The following EPHA3 variants were observed in gnomAD, a reference collection of about 807,000 sequenced individuals.
EPHA3 encodes the protein ephrin type-A receptor 3.
A neutral mutation model predicts 107.1 loss-of-function variants in EPHA3; 42 were observed. The ratio of observed to expected loss-of-function variants is 0.39; its 90% CI spans 0.31 to 0.51. EPHA3 has a LOEUF of 0.51. Among genes scored for constraint, EPHA3 ranks in the 20% least tolerant of loss-of-function variants. EPHA3 has a pLI of 0.78. For synonymous variants in EPHA3, 461 were observed against 424.8 expected, an observed-to-expected ratio of 1.09 and a Z score of -1.05; for missense variants, 1,183 against 1,211.2, an observed-to-expected ratio of 0.98 and a Z score of 0.35.
intron 2 of EPHA3, among the ~76,000 whole-genome samples, chr3:89,164,643 T>C (rs1705023503): frequency 6.6e-6 from 1 of 152,198 alleles, no homozygotes; most frequent in Non-Finnish European, 1.5e-5. Context: ...GATGCCTTCA[T>C]GATCCTTTTC....
At chr3:89,236,039 A>G (rs1255845094) in intron 3 of EPHA3, among the ~76,000 whole-genome samples, 1 of 152,094 alleles carries the variant, frequency 6.6e-6, no homozygotes, top group Non-Finnish European at 1.5e-5. Context: ...ATGAATTACA[A>G]TTTTAAACTG....
At chr3:89,271,170 A>G (rs1282215841) in intron 3 of EPHA3, among the ~76,000 whole-genome samples, 2 of 152,002 alleles carry the variant, frequency 1.3e-5, no homozygotes, top group African/African-American at 2.4e-5. Flanking sequence ...ATTCTTCAGG[A>G]AATGTTAGGT....
At chr3:89,162,664 G>A (rs1225363717) in intron 2 of EPHA3, among the ~76,000 whole-genome samples, 3 of 152,200 alleles carry the variant, frequency 2.0e-5, no homozygotes, top group Admixed American at 6.5e-5. Context: ...AAGCAGGAAT[G>A]GACAGAAGGT....
rs775889890 is a variant in EPHA3, at chr3:89,107,755, T to G, written c.7T>G (p.Cys3Gly). Reference protein sequence around the residue: MDCQLSILLLLSC... With the variant: MDGQLSILLLLSC... Reference sequence around the variant, plus strand: ...TGCCCTCTGCACCAGCAACATGGATTGTCAGCTCTCCATCCTCCTCCTTCT... The same window carrying G: ...TGCCCTCTGCACCAGCAACATGGATGGTCAGCTCTCCATCCTCCTCCTTCT... The change falls in exon 1 of 17, where the codon TGT becomes GGT. Residue 3 changes from cysteine (C) to glycine (G), a missense_variant. Coordinates refer to ENST00000336596, the MANE Select transcript of EPHA3 (RefSeq NM_005233.6). The G allele has an allele frequency of 6.2e-7, 1 of 1,614,068 alleles. No homozygotes were observed. The highest frequency in any genetic ancestry group is 1.3e-5 in the African/African-American group (1 of 75,068).
At chr3:89,333,428 G>A (rs531551983) in intron 3 of EPHA3, among the ~76,000 whole-genome samples, 1 of 152,190 alleles carries the variant, frequency 6.6e-6, no homozygotes, top group South Asian at 2.1e-4. Flanking sequence ...ATTTTGCAAA[G>A]GCCTTATCTA....
intron 3 of EPHA3, among the ~76,000 whole-genome samples, chr3:89,289,182 T>C (rs575570573): frequency 3.1e-4 from 47 of 152,100 alleles, no homozygotes; most frequent in Non-Finnish European, 6.2e-4. Context: ...CTATCTACCA[T>C]TGGTGATAAC....
At chr3:89,222,293 A>G (rs1384598463) in intron 3 of EPHA3, among the ~76,000 whole-genome samples, 1 of 149,414 alleles carries the variant, frequency 6.7e-6, no homozygotes, top group Non-Finnish European at 1.5e-5. Context: ...TGTTACAGAC[A>G]TTGGGTTTTT....
chr3:89,153,365 G>A (rs1225836282), intron 2 of EPHA3, among the ~76,000 whole-genome samples: 2 of 151,988 alleles, frequency 1.3e-5, no homozygotes, highest in Non-Finnish European at 2.9e-5. Context: ...GCAAAATGTA[G>A]ATTCATATAT....
At chr3:89,149,368 C>T (rs1361479965) in intron 2 of EPHA3, among the ~76,000 whole-genome samples, 1 of 151,888 alleles carries the variant, frequency 6.6e-6, no homozygotes, top group Admixed American at 6.6e-5. Flanking sequence ...AAATAGAAAA[C>T]CATTGAAATA....
At chr3:89,404,713 A>G (rs972374989) in intron 7 of EPHA3, among the ~76,000 whole-genome samples, 2 of 152,194 alleles carry the variant, frequency 1.3e-5, no homozygotes, top group African/African-American at 4.8e-5. Flanking sequence ...TAGAGACAGA[A>G]AAAACTGTGG....
chr3:89,338,051 C>T, intron 3 of EPHA3, among the ~76,000 whole-genome samples: 1 of 152,210 alleles, frequency 6.6e-6, no homozygotes, highest in East Asian at 1.9e-4. Context: ...TGTTAGAAAA[C>T]AAAAAGGTAT....
chr3:89,360,074 G>A (rs892126969), intron 5 of EPHA3, among the ~76,000 whole-genome samples: 12 of 149,994 alleles, frequency 8.0e-5, no homozygotes, highest in Non-Finnish European at 1.6e-4. Context: ...CAAGTTGCTA[G>A]GGAGAATTTG....
chr3:89,395,985 T>C lies in EPHA3; in HGVS notation c.1431+24T>C, dbSNP rs374211829. 9.3e-6 allele frequency: 15 copies of C among 1,611,960 alleles called. No individual in the cohort carries two copies. The African/African-American group carries it at 1.2e-4, about 13-fold the overall frequency. On this transcript the variant is annotated intron_variant, in intron 6 of 16. Coordinates refer to ENST00000336596, the MANE Select transcript of EPHA3 (RefSeq NM_005233.6). ...AGGTGGGGAAACAATGTTTAAGGGT[T>C]GGGCTGTGTAGGCAAGAAGCTGTTT...
intron 1 of EPHA3, among the ~76,000 whole-genome samples, chr3:89,110,055 G>A (rs1269727690): frequency 6.6e-6 from 1 of 151,966 alleles, no homozygotes; most frequent in Non-Finnish European, 1.5e-5. Flanking sequence ...TTCTAACAAT[G>A]TAATTTAAAT....
intron 3 of EPHA3, among the ~76,000 whole-genome samples, chr3:89,314,334 G>T (rs939676053): frequency 6.6e-6 from 1 of 151,804 alleles, no homozygotes; most frequent in Non-Finnish European, 1.5e-5. Flanking sequence ...GATGTTAGAG[G>T]TATGTGACTA....
At chr3:89,204,577 T>C (rs1477278197) in intron 2 of EPHA3, among the ~76,000 whole-genome samples, 1 of 149,626 alleles carries the variant, frequency 6.7e-6, no homozygotes, top group African/African-American at 2.5e-5. Flanking sequence ...CTTTTTATAA[T>C]ATACCTTTAG....
intron 13 of EPHA3, among the ~76,000 whole-genome samples, chr3:89,441,171 G>A (rs186392812): frequency 2.1e-4 from 32 of 152,280 alleles, no homozygotes; most frequent in African/African-American, 7.7e-4. Flanking sequence ...TTAAACTTCA[G>A]AATCCAAATG....
At position 89,468,664 on chromosome 3, in the gene EPHA3, T is replaced by A. The variant is rs146542396; in HGVS notation, c.2691-3800T>A. ...TTAATGTCTTGTCTCATTCTAGGTT[T>A]CACATGATTTTTCTTCTAAAATCTT... On this transcript the variant is annotated intron_variant, in intron 15 of 16. Coordinates refer to ENST00000336596, the MANE Select transcript of EPHA3 (RefSeq NM_005233.6). Among the ~76,000 whole-genome samples, 541 of 152,322 alleles carry A rather than the reference T, an allele frequency of 3.6e-3. 3 individuals carry two copies. The highest frequency in any genetic ancestry group is 0.013 in the African/African-American group (525 of 41,580).
intron 3 of EPHA3, among the ~76,000 whole-genome samples, chr3:89,289,813 C>T (rs563566827): frequency 1.3e-5 from 2 of 152,164 alleles, no homozygotes; most frequent in East Asian, 1.9e-4. Context: ...CCCCTTGCCA[C>T]TCTGCCATTC....
Sources: gnomAD v4.1 joint callset for allele counts (sites outside exome capture counted in the v4.1 genomes callset) on GRCh38, gnomAD v4.1.1 for gene constraint, MANE v1.5 for transcripts, NCBI Gene and HGNC (gene_info 2026-07-23, HGNC 2026-07-21) for gene names.